ROBO1: variants seen among roughly 807,000 people sequenced by gnomAD.
ROBO1 encodes the protein roundabout homolog 1.
Under a neutral mutation model 195.9 loss-of-function variants are expected in ROBO1, and 149 were observed. The observed-to-expected ratio is 0.76, with a 90% CI of 0.67 to 0.87. The LOEUF is 0.87. Ranked by LOEUF, ROBO1 falls within the 40% of genes least tolerant of loss-of-function variation. The pLI, the probability that ROBO1 is intolerant of heterozygous loss-of-function variation, is 0.00. For synonymous variants in ROBO1, 816 were observed against 733.2 expected (o/e 1.11, Z -1.82); for missense variants, 1,933 against 2,068.3 (o/e 0.93, Z 1.27).
chr3:79,684,750 C>A (rs36118614), intron 1 of ROBO1, among the ~76,000 whole-genome samples: 43,371 of 151,740 alleles, frequency 0.29, 7,212 homozygotes, highest in African/African-American at 0.47. Context: ...ATCTCGGCTC[C>A]CTGCAACCTC....
At chr3:79,183,637 G>C (rs2081385286) in intron 2 of ROBO1, among the ~76,000 whole-genome samples, 1 of 152,214 alleles carries the variant, frequency 6.6e-6, no homozygotes, top group African/African-American at 2.4e-5. Flanking sequence ...GTGGTCCTTG[G>C]GGATGGTTGG....
chr3:78,945,557 C>G (rs2040387145), intron 3 of ROBO1, among the ~76,000 whole-genome samples: 1 of 152,056 alleles, frequency 6.6e-6, no homozygotes, highest in Non-Finnish European at 1.5e-5. Context: ...GATAAAACCA[C>G]AAAGACGGGA....
chr3:79,029,825 GAAC>G (rs1379427312), intron 3 of ROBO1, among the ~76,000 whole-genome samples: 4 of 152,090 alleles, frequency 2.6e-5, no homozygotes, highest in African/African-American at 7.2e-5. Context: ...GATGATCCTA[GAAC>G]AACATTGACT....
chr3:79,348,245 A>G (rs1447605714), intron 2 of ROBO1, among the ~76,000 whole-genome samples: 1 of 151,656 alleles, frequency 6.6e-6, no homozygotes, highest in Non-Finnish European at 1.5e-5. Context: ...AGATGCTGTA[A>G]GTGGAAGAGA....
At chr3:79,334,584 C>A (rs6788829) in intron 2 of ROBO1, among the ~76,000 whole-genome samples, 2 of 151,710 alleles carry the variant, frequency 1.3e-5, no homozygotes, top group African/African-American at 4.8e-5. Flanking sequence ...GCCCTCTCTA[C>A]AGTGAAGACA....
chr3:79,216,186 CTT>C (rs959906274), intron 2 of ROBO1, among the ~76,000 whole-genome samples: 3 of 151,748 alleles, frequency 2.0e-5, no homozygotes, highest in African/African-American at 4.8e-5. Context: ...TTTAAGGAAA[CTT>C]ATTTTAAAGA....
At position 78,987,524 on chromosome 3, in the gene ROBO1, T is replaced by G. The variant is rs556208682; in HGVS notation, c.173-48597A>C. On this transcript the variant is annotated intron_variant, in intron 3 of 30. Coordinates refer to ENST00000464233, the MANE Select transcript of ROBO1 (RefSeq NM_002941.4). ...AGGCAGATATTTATTTTCTAAGAAG[T>G]GAGGAGGGATACTGTTAAAACATTT... Among the ~76,000 whole-genome samples, 9 of 152,192 alleles carry G rather than the reference T, an allele frequency of 5.9e-5. No individual in the cohort carries two copies. The South Asian group carries it at 1.9e-3, about 32-fold the overall frequency.
At chr3:79,032,262 T>A (rs995270269) in intron 3 of ROBO1, among the ~76,000 whole-genome samples, 35 of 152,062 alleles carry the variant, frequency 2.3e-4, no homozygotes, top group Admixed American at 2.6e-4. Flanking sequence ...AGAACTAATT[T>A]AACATTGAGA....
At chr3:79,458,448 G>A (rs1250782707) in intron 2 of ROBO1, among the ~76,000 whole-genome samples, 1 of 152,162 alleles carries the variant, frequency 6.6e-6, no homozygotes, top group Non-Finnish European at 1.5e-5. Context: ...CTGGAAGAAT[G>A]GGCCACTCAG....
At chr3:79,554,742 A>G (rs1479891494) in intron 2 of ROBO1, among the ~76,000 whole-genome samples, 2 of 152,090 alleles carry the variant, frequency 1.3e-5, no homozygotes, top group African/African-American at 4.8e-5. Flanking sequence ...CAGTGGAAAG[A>G]GCATTTTAGT....
At chr3:79,194,765 T>G (rs527311742) in intron 2 of ROBO1, among the ~76,000 whole-genome samples, 2 of 151,752 alleles carry the variant, frequency 1.3e-5, no homozygotes, top group South Asian at 2.1e-4. Context: ...TTTACAGGTA[T>G]GTAGGGGACT....
rs1575888285 is a variant in ROBO1, at chr3:78,670,317, A to G, written c.1343-16T>C. 1.3e-6 allele frequency: 2 copies of G among 1,550,752 alleles called. No homozygotes were observed. Among genetic ancestry groups the G allele is most frequent in the African/African-American group, 1.4e-5 (1 of 73,218 alleles). Reference sequence around the variant, plus strand: ...TCTGCAATCACTGCCAGAAGAAACAACAGGAAATAGATTTCTGCAACTGGA... The same window carrying G: ...TCTGCAATCACTGCCAGAAGAAACAGCAGGAAATAGATTTCTGCAACTGGA... On this transcript the variant is annotated splice_polypyrimidine_tract_variant and intron_variant, in intron 10 of 30. Coordinates refer to ENST00000464233, the MANE Select transcript of ROBO1 (RefSeq NM_002941.4).
intron 4 of ROBO1, among the ~76,000 whole-genome samples, chr3:78,758,337 A>G (rs2082993516): frequency 6.6e-6 from 1 of 152,052 alleles, no homozygotes. Flanking sequence ...TGGGCAATAC[A>G]GTGGGACACC....
intron 4 of ROBO1, among the ~76,000 whole-genome samples, chr3:78,897,692 A>C (rs2037320443): frequency 6.6e-6 from 1 of 152,132 alleles, no homozygotes; most frequent in African/African-American, 2.4e-5. Flanking sequence ...GAAAATTATA[A>C]AGGGAATCAA....
chr3:79,437,488 A>T (rs2038925163), intron 2 of ROBO1, among the ~76,000 whole-genome samples: 2 of 150,688 alleles, frequency 1.3e-5, no homozygotes, highest in African/African-American at 4.9e-5. Flanking sequence ...ATTGGCAGGA[A>T]TATTTATAGA....
intron 1 of ROBO1, among the ~76,000 whole-genome samples, chr3:79,617,987 A>G (rs185465291): frequency 6.6e-6 from 1 of 151,858 alleles, no homozygotes; most frequent in Non-Finnish European, 1.5e-5. Flanking sequence ...TGTAGTTGAA[A>G]GCTTAAAACT....
chr3:79,287,611 T>C (rs531578490), intron 2 of ROBO1, among the ~76,000 whole-genome samples: 11 of 152,256 alleles, frequency 7.2e-5, no homozygotes, highest in African/African-American at 2.6e-4. Context: ...AATATGATGA[T>C]GGTGACACCA....
In ROBO1 at chr3:78,990,725, C is replaced by T. The variant is rs56097378; in HGVS notation, c.173-51798G>A. Among the ~76,000 whole-genome samples the T allele has an allele frequency of 7.7e-3, 1,173 of 152,136 alleles. 6 individuals are homozygous for T. The highest frequency in any genetic ancestry group is 0.012 in the Non-Finnish European group (830 of 67,988). On this transcript the variant is annotated intron_variant, in intron 3 of 30. Transcript: ENST00000464233. ...TTAGGCTTTATTAAAATTTAAAGAA[C>T]ACATTTTATACATAAACTAAAAAAA...
intron 4 of ROBO1, among the ~76,000 whole-genome samples, chr3:78,781,022 T>C (rs1023542942): frequency 2.6e-5 from 4 of 152,158 alleles, no homozygotes; most frequent in African/African-American, 9.7e-5. Context: ...AAACAAATAG[T>C]TCTCACTTCC....
Sources: gnomAD v4.1 joint callset for allele counts (sites outside exome capture counted in the v4.1 genomes callset) on GRCh38, gnomAD v4.1.1 for gene constraint, MANE v1.5 for transcripts, NCBI Gene and HGNC (gene_info 2026-07-23, HGNC 2026-07-21) for gene names.